The following FDX1 variants were observed in gnomAD, a reference collection of about 807,000 sequenced individuals.
FDX1 encodes the protein ferredoxin 1.
Under a neutral mutation model 14.9 loss-of-function variants are expected in FDX1, and 9 were observed. The observed-to-expected ratio is 0.60, with a 90% confidence interval of 0.36 to 1.05. The LOEUF (loss-of-function observed/expected upper bound fraction) is 1.05, where lower values mean the gene tolerates loss of function less well. Among genes scored for constraint, FDX1 ranks in the 50% least tolerant of loss-of-function variants. FDX1 has a pLI of 0.01. For synonymous variants in FDX1, 92 were observed against 99.4 expected (o/e 0.93, Z 0.44); for missense variants, 204 against 237.2 (o/e 0.86, Z 0.92).
At chr11:110,452,056 A>C (rs1220769067) in intron 2 of FDX1, among the ~76,000 whole-genome samples, 2 of 152,208 alleles carry the variant, frequency 1.3e-5, no homozygotes, top group Non-Finnish European at 2.9e-5. Context: ...CCTAAACCTC[A>C]CATCTTATAA....
intron 2 of FDX1, among the ~76,000 whole-genome samples, chr11:110,449,700 T>C (rs1946474048): frequency 6.6e-6 from 1 of 152,224 alleles, no homozygotes; most frequent in South Asian, 2.1e-4. Flanking sequence ...TGATGTTGGC[T>C]CACTGCAGCC....
intron 3 of FDX1, among the ~76,000 whole-genome samples, chr11:110,458,452 T>A (rs1255517729): frequency 6.6e-6 from 1 of 152,180 alleles, no homozygotes; most frequent in Non-Finnish European, 1.5e-5. Flanking sequence ...ATATTTGGAA[T>A]GGAAAGAATT....
At chr11:110,449,191 G>A (rs1453193878) in intron 2 of FDX1, among the ~76,000 whole-genome samples, 1 of 152,142 alleles carries the variant, frequency 6.6e-6, no homozygotes, top group Non-Finnish European at 1.5e-5. Flanking sequence ...TGTTAATTTA[G>A]GAGAAAGCAC....
chr11:110,432,487 G>A (rs1946338148), intron 1 of FDX1, among the ~76,000 whole-genome samples: 1 of 152,158 alleles, frequency 6.6e-6, no homozygotes, highest in South Asian at 2.1e-4. Flanking sequence ...CTTTAGTGGT[G>A]ATTTTGGAGG....
chr11:110,450,280 C>T (rs1591252259), intron 2 of FDX1, among the ~76,000 whole-genome samples: 1 of 151,966 alleles, frequency 6.6e-6, no homozygotes, highest in Non-Finnish European at 1.5e-5. Flanking sequence ...GCAACTAGAT[C>T]TAGGTCCCAT....
intron 2 of FDX1, among the ~76,000 whole-genome samples, chr11:110,455,806 A>G (rs1368457236): frequency 2.6e-5 from 4 of 152,220 alleles, no homozygotes; most frequent in South Asian, 2.1e-4. Flanking sequence ...ATTAAACTCC[A>G]TGGGATAGCG....
At chr11:110,457,124 C>A in intron 3 of FDX1, 77 bp downstream of exon 3, 2 of 1,311,154 alleles carry the variant, frequency 1.5e-6, no homozygotes, top group Non-Finnish European at 2.1e-6. Context: ...TATGTAAGAC[C>A]AGACCCATAA....
At chr11:110,441,632 C>T (rs1313122402) in intron 2 of FDX1, among the ~76,000 whole-genome samples, 1 of 152,178 alleles carries the variant, frequency 6.6e-6, no homozygotes, top group Non-Finnish European at 1.5e-5. Context: ...GCAAATCATT[C>T]AAGAGGTGAC....
intron 3 of FDX1, among the ~76,000 whole-genome samples, chr11:110,460,901 T>C (rs1946552400): frequency 6.6e-6 from 1 of 152,196 alleles, no homozygotes; most frequent in Admixed American, 6.5e-5. Flanking sequence ...AAATAAGAAG[T>C]GTTCAGTAAG....
At chr11:110,456,194 G>A (rs1449421682) in intron 2 of FDX1, among the ~76,000 whole-genome samples, 1 of 152,168 alleles carries the variant, frequency 6.6e-6, no homozygotes, top group Non-Finnish European at 1.5e-5. Flanking sequence ...ACTTAATTTA[G>A]CTATAGGTTT....
chr11:110,430,214 G>T lies in FDX1; in HGVS notation c.94G>T (p.Ala32Ser). 1.6e-6 allele frequency: 2 copies of T among 1,213,028 alleles called. No homozygotes were observed. Among genetic ancestry groups the T allele is most frequent in the Non-Finnish European group, 1.0e-6 (1 of 976,746 alleles). The allele number at this position is 1,213,028 out of a possible 1,614,324, so 75.1% of individuals were successfully genotyped here. A position where few individuals can be genotyped will look rare whatever the true frequency, so the allele number is the denominator to read the frequency against. ...GTGGCTGCACCACGCTGGGTCCCGCGCTGGATCCAGCGGCCTGCTGAGGAA... is the reference window on the plus strand; with the variant it reads ...GTGGCTGCACCACGCTGGGTCCCGCTCTGGATCCAGCGGCCTGCTGAGGAA... ...GRWLHHAGSR[A>S]GSSGLLRNRG... The change falls in exon 1 of 4, where the codon GCT (alanine) becomes TCT (serine). Residue 32 changes from alanine (A) to serine (S), a missense_variant. By Grantham distance (99) the Ala-to-Ser change is moderately conservative. Coordinates refer to ENST00000260270, the MANE Select transcript of FDX1 (RefSeq NM_004109.5).
chr11:110,451,426 G>T (rs1255253747), intron 2 of FDX1, among the ~76,000 whole-genome samples: 3 of 151,984 alleles, frequency 2.0e-5, no homozygotes, highest in Non-Finnish European at 4.4e-5. Context: ...TTATTAAAAA[G>T]TCAAGAAACA....
chr11:110,449,319 A>G lies in FDX1; in HGVS notation c.311-7599A>G, dbSNP rs191125349. Among the ~76,000 whole-genome samples the G allele has an allele frequency of 5.9e-5, 9 of 152,320 alleles. No homozygotes were observed. In the East Asian group the frequency reaches 1.7e-3, roughly 29 times the overall value. Reference sequence around the variant, plus strand: ...GGATGGTGGCTAAAATGCTAGCACCAGGGGCTAATATCAGTGTTGCTGTAA... The same window carrying G: ...GGATGGTGGCTAAAATGCTAGCACCGGGGGCTAATATCAGTGTTGCTGTAA... On this transcript the variant is annotated intron_variant, in intron 2 of 3. Transcript: ENST00000260270.
intron 3 of FDX1, among the ~76,000 whole-genome samples, chr11:110,460,098 A>G (rs954157951): frequency 6.6e-6 from 1 of 152,252 alleles, no homozygotes; most frequent in Non-Finnish European, 1.5e-5. Context: ...TGCTGTCTTA[A>G]CGAATTTGTC....
intron 2 of FDX1, among the ~76,000 whole-genome samples, chr11:110,444,680 A>ATACG (rs1946430398): frequency 1.4e-5 from 1 of 72,922 alleles, no homozygotes; most frequent in African/African-American, 6.7e-5. Context: ...ATATATATAT[A>ATACG]TATACACGTA....
chr11:110,440,434 C>G (rs1277644340), intron 2 of FDX1, among the ~76,000 whole-genome samples: 1 of 152,172 alleles, frequency 6.6e-6, no homozygotes, highest in Non-Finnish European at 1.5e-5. Flanking sequence ...TTTGCTGCAT[C>G]CCAGAGATTT....
intron 2 of FDX1, among the ~76,000 whole-genome samples, chr11:110,436,271 C>G (rs1946368599): frequency 6.6e-6 from 1 of 152,144 alleles, no homozygotes; most frequent in Non-Finnish European, 1.5e-5. Context: ...GAATAAATGT[C>G]ATAGCACAGA....
At chr11:110,459,857 A>G (rs2134694336) in intron 3 of FDX1, among the ~76,000 whole-genome samples, 1 of 152,334 alleles carries the variant, frequency 6.6e-6, no homozygotes, top group African/African-American at 2.4e-5. Flanking sequence ...ACAGAGCGCC[A>G]CTGCCTTATT....
chr11:110,430,526 C>T lies in FDX1; in HGVS notation c.185+221C>T, dbSNP rs567432338. ...TTCCGTCGCACCGCAGAGTTCCTTT[C>T]CGCATCACCCACTCCCGGCGGGAAT... On this transcript the variant is annotated intron_variant, in intron 1 of 3. Coordinates refer to ENST00000260270, the MANE Select transcript of FDX1 (RefSeq NM_004109.5). Among the ~76,000 whole-genome samples, 8 of 152,350 alleles carry T rather than the reference C, an allele frequency of 5.3e-5. No homozygotes were observed. In the East Asian group the frequency reaches 1.2e-3, roughly 22 times the overall value.
Sources: allele counts gnomAD v4.1 joint callset (sites outside exome capture counted in the v4.1 genomes callset), GRCh38; gene constraint gnomAD v4.1.1; transcripts MANE v1.5; gene names NCBI Gene and HGNC (gene_info 2026-07-23, HGNC 2026-07-21).